Variants in POLA1 observed in about 807,000 individuals in gnomAD.
POLA1 encodes DNA polymerase alpha catalytic subunit.
A neutral mutation model predicts 124.0 loss-of-function variants in POLA1; 15 were observed. The observed-to-expected ratio is 0.12, with a 90% CI of 0.08 to 0.19. The LOEUF (loss-of-function observed/expected upper bound fraction) is 0.19. Ranked by LOEUF, POLA1 falls within the 10% of genes least tolerant of loss-of-function variation. The pLI is 1.00. For missense variants in POLA1, 886 were observed against 1,103.4 expected (o/e 0.80, Z 2.79); for synonymous variants, 408 against 389.4 (o/e 1.05, Z -0.56).
intron 32 of POLA1, among the ~76,000 whole-genome samples, chrX:24,834,113 A>AAG (rs2046308828): frequency 1.6e-4 from 1 of 6,133 alleles, no homozygotes; most frequent in African/African-American, 1.7e-3. Flanking sequence ...CTCAGAAAGA[A>AAG]AAAAAAAAAA....
intron 36 of POLA1, among the ~76,000 whole-genome samples, chrX:24,936,610 C>G: frequency 9.0e-6 from 1 of 111,587 alleles, no homozygotes; most frequent in Non-Finnish European, 1.9e-5. Context: ...TGGCTCACTA[C>G]AAGCTCTGCC....
intron 29 of POLA1, among the ~76,000 whole-genome samples, chrX:24,814,200 C>T (rs1307051714): frequency 1.8e-5 from 2 of 112,079 alleles, no homozygotes; most frequent in Non-Finnish European, 3.8e-5. Context: ...AGAAAAGACG[C>T]ATCATAATAG....
intron 34 of POLA1, among the ~76,000 whole-genome samples, chrX:24,879,565 G>A (rs2046977373): frequency 8.9e-6 from 1 of 111,911 alleles, no homozygotes; most frequent in Admixed American, 9.5e-5. Flanking sequence ...GTACATGACT[G>A]GGTTGCATGA....
chrX:24,747,411 C>T (rs938619432), intron 24 of POLA1, among the ~76,000 whole-genome samples: 11 of 110,679 alleles, frequency 9.9e-5, no homozygotes, highest in African/African-American at 3.6e-4. Context: ...GTGATCCACC[C>T]GCCTCGGCCT....
At chrX:24,976,873 A>G (rs748032744) in intron 36 of POLA1, among the ~76,000 whole-genome samples, 1 of 112,024 alleles carries the variant, frequency 8.9e-6, no homozygotes, top group Non-Finnish European at 1.9e-5. Flanking sequence ...GTAATCTCCT[A>G]CAATGAGAAA....
chrX:24,769,420 C>A (rs747377139), intron 26 of POLA1, among the ~76,000 whole-genome samples: 1 of 111,647 alleles, frequency 9.0e-6, no homozygotes, highest in East Asian at 2.8e-4. Flanking sequence ...TGTAATGCTT[C>A]CTTCCAGGGC....
intron 35 of POLA1, among the ~76,000 whole-genome samples, chrX:24,908,719 G>A (rs1393421630): frequency 9.0e-6 from 1 of 111,220 alleles, no homozygotes; most frequent in African/African-American, 3.3e-5. Flanking sequence ...CTTTATAGCA[G>A]CATGATTTAT....
intron 26 of POLA1, among the ~76,000 whole-genome samples, chrX:24,790,276 G>A (rs989654761): frequency 8.9e-6 from 1 of 112,054 alleles, no homozygotes; most frequent in Non-Finnish European, 1.9e-5. Flanking sequence ...AGTTTAGAGT[G>A]TGTCTATGGA....
chrX:24,964,981 TA>T (rs1408426806), intron 36 of POLA1, among the ~76,000 whole-genome samples: 1 of 111,958 alleles, frequency 8.9e-6, no homozygotes, highest in East Asian at 2.8e-4. Context: ...ATCTATAGTT[TA>T]AAAAATCAAT....
At chrX:24,780,252 A>G (rs1482165053) in intron 26 of POLA1, among the ~76,000 whole-genome samples, 1 of 112,180 alleles carries the variant, frequency 8.9e-6, no homozygotes, top group Admixed American at 9.4e-5. Flanking sequence ...TTTTGGAAGA[A>G]TTTGAAAAAG....
At chrX:24,822,826 A>G (rs941966783) in intron 31 of POLA1, among the ~76,000 whole-genome samples, 5 of 111,475 alleles carry the variant, frequency 4.5e-5, no homozygotes, top group East Asian at 2.8e-4. Flanking sequence ...ATGTCTTCAC[A>G]TACATGGAAA....
At chrX:24,874,695 G>A (rs2046908906) in intron 34 of POLA1, among the ~76,000 whole-genome samples, 1 of 111,429 alleles carries the variant, frequency 9.0e-6, no homozygotes, top group African/African-American at 3.3e-5. Context: ...TCGTATCCCA[G>A]GCTGATGTTC....
intron 36 of POLA1, among the ~76,000 whole-genome samples, 160 bp downstream of exon 36, chrX:24,930,709 G>A (rs897489362): frequency 8.9e-6 from 1 of 112,267 alleles, no homozygotes; most frequent in Non-Finnish European, 1.9e-5. Context: ...CATGAGGGGC[G>A]GTGGCATAGG....
chrX:24,831,774 A>C (rs978462639), intron 32 of POLA1, among the ~76,000 whole-genome samples: 2 of 112,683 alleles, frequency 1.8e-5, no homozygotes, highest in African/African-American at 6.5e-5. Context: ...AAAAAATGTT[A>C]TACCAAATGC....
At chrX:24,745,595 G>T in intron 24 of POLA1, 53 bp downstream of exon 24, 1 of 833,147 alleles carries the variant, frequency 1.2e-6, no homozygotes, top group Non-Finnish European at 1.8e-6. Flanking sequence ...ATTGCTTAAA[G>T]AAGGAAGATC....
intron 36 of POLA1, 77 bp from the exon 37 acceptor site, chrX:24,995,728 C>A: frequency 1.1e-6 from 1 of 888,656 alleles, no homozygotes; most frequent in Non-Finnish European, 1.6e-6. Flanking sequence ...GAATCAGCAT[C>A]CCCTTCTCTG....
chrX:24,724,250 A>G, intron 11 of POLA1, 85 bp from the exon 12 acceptor site: 1 of 488,428 alleles, frequency 2.0e-6, no homozygotes, highest in Non-Finnish European at 3.5e-6. Flanking sequence ...GAAAATTGAT[A>G]TAGACTTGGA....
At chrX:24,819,242 A>G (rs111693078) in intron 30 of POLA1, among the ~76,000 whole-genome samples, 1,206 of 112,652 alleles carry the variant, frequency 0.011, 18 homozygotes, top group African/African-American at 0.037. Flanking sequence ...AAATATTCGT[A>G]CTTATATCAG....
At chrX:24,838,593 A>C (rs1342291441) in intron 32 of POLA1, among the ~76,000 whole-genome samples, 3 of 112,670 alleles carry the variant, frequency 2.7e-5, no homozygotes, top group African/African-American at 9.7e-5. Context: ...CAGTAGAAGC[A>C]ATAAGGAATT....
Sources: allele counts gnomAD v4.1 joint callset (sites outside exome capture counted in the v4.1 genomes callset), GRCh38; gene constraint gnomAD v4.1.1; transcripts MANE v1.5; gene names NCBI Gene and HGNC (gene_info 2026-07-23, HGNC 2026-07-21).